The following NDST3 variants were observed in gnomAD, a reference collection of about 807,000 sequenced individuals.
NDST3 encodes bifunctional heparan sulfate N-deacetylase/N-sulfotransferase 3.
A neutral mutation model predicts 96.1 loss-of-function variants in NDST3; 58 were observed. The ratio of observed to expected loss-of-function variants is 0.60; its 90% CI spans 0.49 to 0.75. The LOEUF is 0.75. NDST3 is among the 30% of genes least tolerant of loss of function. The pLI, the probability that NDST3 is intolerant of heterozygous loss-of-function variation, is 0.00. For missense variants in NDST3, 788 were observed against 1,034.2 expected (o/e 0.76, Z 3.27); for synonymous variants, 333 against 359.7 (o/e 0.93, Z 0.84).
intron 6 of NDST3, among the ~76,000 whole-genome samples, chr4:118,197,739 C>T (rs1399068451): frequency 6.7e-6 from 1 of 148,294 alleles, no homozygotes. Context: ...ATCATTGGGT[C>T]TCAGTTTTTG....
At chr4:118,093,580 C>CT (rs1415252019) in intron 2 of NDST3, among the ~76,000 whole-genome samples, 3 of 151,844 alleles carry the variant, frequency 2.0e-5, no homozygotes, top group Non-Finnish European at 4.4e-5. Context: ...CTGATTTACA[C>CT]TTTTTCTGCC....
At chr4:118,217,818 A>G (rs573808884) in intron 6 of NDST3, among the ~76,000 whole-genome samples, 43 of 152,092 alleles carry the variant, frequency 2.8e-4, no homozygotes, top group Non-Finnish European at 5.7e-4. Context: ...CTTTGGTAAA[A>G]AACAAGATTG....
chr4:118,104,215 GATC>G lies in NDST3; in HGVS notation c.982-800_982-798del, dbSNP rs111248834. Among the ~76,000 whole-genome samples the G allele has an allele frequency of 4.6e-5, 7 of 152,246 alleles. 1 individual carries two copies. Among genetic ancestry groups the G allele is most frequent in the African/African-American group, 1.4e-4 (6 of 41,560 alleles). ...GATACCACTAATTTCATCTATGAAA[GATC>G]ATTTACAAATCTAACAGCATTACTT... On this transcript the variant is annotated intron_variant, in intron 2 of 13. Coordinates refer to ENST00000296499, the MANE Select transcript of NDST3 (RefSeq NM_004784.3).
At chr4:118,104,242 T>C (rs1177109629) in intron 2 of NDST3, among the ~76,000 whole-genome samples, 1 of 152,164 alleles carries the variant, frequency 6.6e-6, no homozygotes, top group Non-Finnish European at 1.5e-5. Flanking sequence ...ACAGCATTAC[T>C]TTCTGCCTAG....
At chr4:118,177,000 G>C (rs185430323) in intron 6 of NDST3, among the ~76,000 whole-genome samples, 276 of 152,168 alleles carry the variant, frequency 1.8e-3, no homozygotes, top group Middle Eastern at 0.01. Flanking sequence ...TCTATGAATT[G>C]TGAGGAAGTG....
At chr4:118,085,809 A>G (rs975490975) in intron 2 of NDST3, among the ~76,000 whole-genome samples, 4 of 152,218 alleles carry the variant, frequency 2.6e-5, no homozygotes, top group South Asian at 2.1e-4. Context: ...ACACAAAGCC[A>G]TGAAATGAAG....
chr4:118,173,232 G>T (rs1398897457), intron 6 of NDST3, among the ~76,000 whole-genome samples: 1 of 151,964 alleles, frequency 6.6e-6, no homozygotes, highest in Non-Finnish European at 1.5e-5. Flanking sequence ...TGAGGAAACT[G>T]AAAATTCTAA....
At chr4:118,202,089 T>C (rs889040808) in intron 6 of NDST3, among the ~76,000 whole-genome samples, 3 of 152,168 alleles carry the variant, frequency 2.0e-5, no homozygotes, top group African/African-American at 7.2e-5. Context: ...GAAGATCAGA[T>C]TGTGGTAGGT....
upstream of NDST3, chr4:118,034,028 G>T (rs1724015564): frequency 6.6e-6 from 1 of 152,226 alleles, no homozygotes; most frequent in South Asian, 2.1e-4. Flanking sequence ...GGCTTGGAAT[G>T]AGGGAGTCCT....
intron 2 of NDST3, among the ~76,000 whole-genome samples, chr4:118,083,438 A>AGGC (rs1177094380): frequency 6.6e-6 from 1 of 152,214 alleles, no homozygotes; most frequent in East Asian, 1.9e-4. Context: ...TGCTTAACAC[A>AGGC]GAGCCTGGTA....
intron 2 of NDST3, among the ~76,000 whole-genome samples, chr4:118,071,255 T>C (rs1727048728): frequency 6.6e-6 from 1 of 152,064 alleles, no homozygotes; most frequent in Non-Finnish European, 1.5e-5. Context: ...TTGACTTTCA[T>C]ATTTTCTTAT....
chr4:118,245,723 C>A (rs1188157130), intron 12 of NDST3, among the ~76,000 whole-genome samples: 1 of 152,042 alleles, frequency 6.6e-6, no homozygotes, highest in Non-Finnish European at 1.5e-5. Flanking sequence ...ATTCTAATTT[C>A]TTATTATAAA....
intron 2 of NDST3, among the ~76,000 whole-genome samples, chr4:118,055,834 T>G (rs1391056958): frequency 1.3e-5 from 2 of 151,908 alleles, no homozygotes; most frequent in Non-Finnish European, 2.9e-5. Context: ...AACTTTGTTC[T>G]TTTCTCTAGT....
intron 2 of NDST3, among the ~76,000 whole-genome samples, chr4:118,095,937 T>C (rs1002853546): frequency 2.6e-5 from 4 of 151,992 alleles, no homozygotes; most frequent in African/African-American, 7.2e-5. Context: ...TATTTCATTG[T>C]ATGTACATAG....
At chr4:118,111,915 A>G (rs1448421806) in intron 3 of NDST3, among the ~76,000 whole-genome samples, 1 of 151,582 alleles carries the variant, frequency 6.6e-6, no homozygotes, top group African/African-American at 2.4e-5. Context: ...TGACCTCTTG[A>G]TCTGCCCGCC....
rs775769511 is a variant in NDST3 at position 118,237,211 on chromosome 4, C to T, written c.2109C>T (p.Ser703=). 1 of 1,605,836 alleles carries T rather than the reference C, an allele frequency of 6.2e-7. No individual in the cohort carries two copies. The highest frequency in any genetic ancestry group is 1.1e-5 in the South Asian group (1 of 89,344). The change falls in exon 10 of 14, where the codon TCC becomes TCT. Residue 703 remains serine, a synonymous_variant. Coordinates refer to ENST00000296499, the MANE Select transcript of NDST3 (RefSeq NM_004784.3). ...TTGACCCTTCAGACCGAGCATACTC[C>T]TGGTACCAGGTAAGGAAAATGCAAA... ...ILIDPSDRAY[S]WYQHQRSHED...
At chr4:118,091,692 A>ACC (rs1728879008) in intron 2 of NDST3, among the ~76,000 whole-genome samples, 1 of 151,548 alleles carries the variant, frequency 6.6e-6, no homozygotes, top group Non-Finnish European at 1.5e-5. Context: ...AACTCCTGGG[A>ACC]TCTCTACCCT....
intron 2 of NDST3, among the ~76,000 whole-genome samples, chr4:118,056,533 T>C (rs4240314): frequency 0.75 from 114,329 of 151,940 alleles, 45,678 homozygotes; most frequent in South Asian, 0.92. Flanking sequence ...AAATTGCATC[T>C]GTGATTGTGT....
chr4:118,244,813 T>C (rs1159097025), intron 12 of NDST3, among the ~76,000 whole-genome samples: 14 of 152,304 alleles, frequency 9.2e-5, no homozygotes, highest in Admixed American at 1.3e-4. Flanking sequence ...TTTAAAGATA[T>C]ACAAAGTCAC....
Sources: gnomAD v4.1 joint callset for allele counts (sites outside exome capture counted in the v4.1 genomes callset) on GRCh38, gnomAD v4.1.1 for gene constraint, MANE v1.5 for transcripts, NCBI Gene and HGNC (gene_info 2026-07-23, HGNC 2026-07-21) for gene names.